The following IQSEC1 variants were observed in gnomAD, a reference collection of about 807,000 sequenced individuals.
IQSEC1 encodes the protein IQ motif and SEC7 domain-containing protein 1.
A neutral mutation model predicts 91.0 loss-of-function variants in IQSEC1; 31 were observed. The ratio of observed to expected loss-of-function variants is 0.34; its 90% CI spans 0.26 to 0.46. The LOEUF is 0.46. Among genes scored for constraint, IQSEC1 ranks in the 20% least tolerant of loss-of-function variants. The probability of loss-of-function intolerance (pLI) is 1.00; values close to 1 mark genes in which losing one functional copy is unlikely to be tolerated. For synonymous variants in IQSEC1, 699 were observed against 662.6 expected (o/e 1.05, Z -0.84); for missense variants, 1,388 against 1,575.6 (o/e 0.88, Z 2.02).
At position 13,264,757 on chromosome 3, in the gene IQSEC1, T is replaced by TGC. The variant is rs1559289372; in HGVS notation, c.272+17953_272+17954insGC. Reference sequence around the variant, plus strand: ...GGAGGGTCAAAAGGGGTCAAACACATACAGTCTCTGCCTCTCTCGGGGGAC... The same window carrying TGC: ...GGAGGGTCAAAAGGGGTCAAACACATGCACAGTCTCTGCCTCTCTCGGGGGAC... On this transcript the variant is annotated intron_variant, in intron 1 of 15. Coordinates refer to the IQSEC1 transcript ENST00000648114. Among the ~76,000 whole-genome samples, 18 of 150,882 alleles carry TGC rather than the reference T, an allele frequency of 1.2e-4. 1 individual carries two copies. The highest frequency in any genetic ancestry group is 4.1e-4 in the African/African-American group (17 of 41,140).
At chr3:12,920,241 G>C (rs2125166487) in intron 6 of IQSEC1, among the ~76,000 whole-genome samples, 189 bp downstream of exon 6, 1 of 152,266 alleles carries the variant, frequency 6.6e-6, no homozygotes, top group South Asian at 2.1e-4. Flanking sequence ...GTCCCACGGG[G>C]GCTCCTCTAA....
chr3:13,200,791 C>T (rs533118406), intron 1 of IQSEC1, among the ~76,000 whole-genome samples: 1 of 152,332 alleles, frequency 6.6e-6, no homozygotes, highest in African/African-American at 2.4e-5. Context: ...TCAGTTACTG[C>T]CTTGCTGTTT....
chr3:12,996,658 T>C (rs539253453), intron 1 of IQSEC1, among the ~76,000 whole-genome samples: 29 of 152,308 alleles, frequency 1.9e-4, no homozygotes, highest in African/African-American at 6.0e-4. Flanking sequence ...CAGAATTTAA[T>C]TGAGGAAAAT....
intron 1 of IQSEC1, among the ~76,000 whole-genome samples, chr3:13,221,148 G>A (rs1347853269): frequency 1.3e-5 from 2 of 152,090 alleles, no homozygotes; most frequent in Non-Finnish European, 2.9e-5. Context: ...AGGAGGCCTT[G>A]GTGAGGGGAG....
At chr3:12,904,767 G>T (rs1158239971) in intron 12 of IQSEC1, among the ~76,000 whole-genome samples, 1 of 152,188 alleles carries the variant, frequency 6.6e-6, no homozygotes. Context: ...GAGGGGAGAT[G>T]GCCTCCCCGT....
intron 1 of IQSEC1, among the ~76,000 whole-genome samples, chr3:13,057,056 C>T (rs1051393151): frequency 2.6e-5 from 4 of 152,164 alleles, no homozygotes; most frequent in Non-Finnish European, 5.9e-5. Flanking sequence ...CACATATGCA[C>T]ACAGAGACGG....
rs575712122 is a variant in IQSEC1, at chr3:12,983,528, G to A, written c.24-41663C>T. ...ACTGCAGCCTGGCCTTCCTAGCCCC[G>A]AGACAGAGCGGCCAGGATGAAGTGA... is the stretch of plus-strand genomic sequence containing the variant. On this transcript the variant is annotated intron_variant, in intron 1 of 13. Coordinates refer to ENST00000613206, the MANE Select transcript of IQSEC1 (RefSeq NM_001134382.3). The surrounding 1 kb of genome is among the most constrained non-coding windows in gnomAD (Gnocchi z 4.3). 9.8e-5 allele frequency among the ~76,000 whole-genome samples: 15 copies of A among 152,298 alleles called. No homozygotes were observed. Among genetic ancestry groups the A allele is most frequent in the East Asian group, 1.9e-4 (1 of 5,184 alleles).
intron 1 of IQSEC1, among the ~76,000 whole-genome samples, chr3:13,027,012 C>T (rs1703646259): frequency 6.6e-6 from 1 of 152,016 alleles, no homozygotes; most frequent in Non-Finnish European, 1.5e-5. Flanking sequence ...CAAAATAAAT[C>T]ACTTGTCATT....
chr3:13,224,494 G>C (rs1312221287), intron 1 of IQSEC1, among the ~76,000 whole-genome samples: 1 of 152,142 alleles, frequency 6.6e-6, no homozygotes, highest in African/African-American at 2.4e-5. Context: ...AGGGGCTTCA[G>C]CCTTGTGACA....
At chr3:13,258,077 G>T (rs1343665838) in intron 1 of IQSEC1, among the ~76,000 whole-genome samples, 1 of 152,232 alleles carries the variant, frequency 6.6e-6, no homozygotes, top group Non-Finnish European at 1.5e-5. Context: ...GAGGGAGAGA[G>T]GGATGAACAG....
intron 1 of IQSEC1, among the ~76,000 whole-genome samples, chr3:13,227,375 C>CAAAAAAAAAAAAAAAAA (rs753199634): frequency 1.4e-5 from 1 of 70,052 alleles, no homozygotes. Context: ...GACTCTGTCT[C>CAAAAAAAAAAAAAAAAA]AAAAAAAAAA....
chr3:13,026,887 T>G (rs571026049), intron 1 of IQSEC1, among the ~76,000 whole-genome samples: 3,034 of 127,484 alleles, frequency 0.024, 120 homozygotes, highest in African/African-American at 0.065. Context: ...TTGTTTGTTT[T>G]TTTTTTTACC....
Position 12,920,404 on chromosome 3 carries a change from C to T in IQSEC1, c.2020+26G>A, listed in dbSNP as rs758279340. ...GGCAGGTGCTGGAGCAAATCTGTGG[C>T]TGGCCGACCGCCTGAGACAGCTCAC... On this transcript the variant is annotated intron_variant, in intron 6 of 13. Coordinates refer to ENST00000613206, the MANE Select transcript of IQSEC1 (RefSeq NM_001134382.3). 20 of 1,608,546 alleles carry T rather than the reference C, an allele frequency of 1.2e-5. No individual in the cohort carries two copies. In the South Asian group the frequency reaches 2.1e-4, roughly 17 times the overall value.
chr3:12,903,630 G>A (rs1267284223), intron 12 of IQSEC1, among the ~76,000 whole-genome samples: 1 of 152,174 alleles, frequency 6.6e-6, no homozygotes, highest in Non-Finnish European at 1.5e-5. Context: ...CTTGGCTCTG[G>A]GTGCGTAGGG....
chr3:12,951,155 G>A (rs1240583260), intron 1 of IQSEC1, among the ~76,000 whole-genome samples: 1 of 152,222 alleles, frequency 6.6e-6, no homozygotes, highest in African/African-American at 2.4e-5. Flanking sequence ...GGGCATGGCG[G>A]CTAACGCCTG....
intron 1 of IQSEC1, among the ~76,000 whole-genome samples, chr3:12,949,990 G>A (rs1339518051): frequency 1.3e-5 from 2 of 152,236 alleles, no homozygotes; most frequent in Admixed American, 1.3e-4. Context: ...AGCAGGGTCT[G>A]GAAAAATCAG....
chr3:13,075,624 T>C (rs945831185), upstream of IQSEC1, among the ~76,000 whole-genome samples: 1 of 152,228 alleles, frequency 6.6e-6, no homozygotes, highest in Non-Finnish European at 1.5e-5. Flanking sequence ...TTTCCTTCCA[T>C]GTTATGCTGT....
chr3:13,153,622 C>A (rs973749365), intron 2 of IQSEC1, among the ~76,000 whole-genome samples: 4 of 152,176 alleles, frequency 2.6e-5, no homozygotes, highest in African/African-American at 9.7e-5. Context: ...TGTGGTCACA[C>A]CCAGACAATG....
At chr3:13,072,319 A>G (rs1705459210) in intron 1 of IQSEC1, among the ~76,000 whole-genome samples, 1 of 152,370 alleles carries the variant, frequency 6.6e-6, no homozygotes, top group Non-Finnish European at 1.5e-5. Flanking sequence ...GGAAGCTGGC[A>G]TTCGAACCCC....
Sources: allele counts gnomAD v4.1 joint callset (sites outside exome capture counted in the v4.1 genomes callset), GRCh38; gene constraint gnomAD v4.1.1; non-coding constraint Gnocchi (gnomAD v3.1); transcripts MANE v1.5; gene names NCBI Gene and HGNC (gene_info 2026-07-23, HGNC 2026-07-21).